The following BRWD1 variants were observed in gnomAD, a reference collection of about 807,000 sequenced individuals.
BRWD1 encodes the protein bromodomain and WD repeat-containing protein 1.
BRWD1 carries 82 observed loss-of-function variants against 251.2 expected under a neutral mutation model. The observed-to-expected ratio is 0.33, with a 90% CI of 0.27 to 0.39. The LOEUF is 0.39. Ranked by LOEUF, BRWD1 falls within the 10% of genes least tolerant of loss-of-function variation. The pLI is 1.00. For synonymous variants in BRWD1, 918 were observed against 902.8 expected (o/e 1.02, Z -0.30); for missense variants, 2,233 against 2,711.6 (o/e 0.82, Z 3.92).
chr21:39,313,913 G>A (rs2036623091), upstream of BRWD1: 3 of 316,320 alleles, frequency 9.5e-6, no homozygotes, highest in Non-Finnish European at 6.1e-6. Flanking sequence ...AGGCGGCAGC[G>A]CGACGCCGGG....
intron 38 of BRWD1, 36 bp from the exon 39 acceptor site, chr21:39,200,422 C>T: frequency 6.4e-7 from 1 of 1,571,618 alleles, no homozygotes; most frequent in Non-Finnish European, 8.7e-7. Flanking sequence ...TACATATATT[C>T]TCCTGTCTTT....
chr21:39,260,367 C>A (rs2034702156), intron 17 of BRWD1, among the ~76,000 whole-genome samples: 1 of 152,096 alleles, frequency 6.6e-6, no homozygotes, highest in East Asian at 1.9e-4. Flanking sequence ...AACTCCTGAG[C>A]TCAAGCAATC....
At chr21:39,256,128 C>T (rs1252769634) in intron 18 of BRWD1, among the ~76,000 whole-genome samples, 1 of 152,172 alleles carries the variant, frequency 6.6e-6, no homozygotes, top group African/African-American at 2.4e-5. Context: ...CTGACAGAAT[C>T]TTAACATGAC....
intron 29 of BRWD1, among the ~76,000 whole-genome samples, chr21:39,222,595 T>C (rs1222780241): frequency 6.6e-6 from 1 of 152,148 alleles, no homozygotes; most frequent in Non-Finnish European, 1.5e-5. Flanking sequence ...ATGACAACAA[T>C]TGAACACTGA....
chr21:39,203,266 A>G (rs1325921247), intron 37 of BRWD1, among the ~76,000 whole-genome samples: 1 of 152,134 alleles, frequency 6.6e-6, no homozygotes, highest in Non-Finnish European at 1.5e-5. Flanking sequence ...AGCCTGGGCA[A>G]CATAGCATGA....
intron 29 of BRWD1, among the ~76,000 whole-genome samples, chr21:39,222,544 G>C (rs1244290705): frequency 6.6e-6 from 1 of 152,152 alleles, no homozygotes; most frequent in Non-Finnish European, 1.5e-5. Context: ...ACATGAAGGG[G>C]TTCCCAGTGG....
chr21:39,279,827 T>A (rs1221380744), intron 9 of BRWD1, among the ~76,000 whole-genome samples: 5 of 152,154 alleles, frequency 3.3e-5, no homozygotes, highest in Non-Finnish European at 7.3e-5. Flanking sequence ...AGCACAGGTA[T>A]ACAATACAGG....
chr21:39,275,597 TTC>T (rs1350613182), intron 12 of BRWD1, among the ~76,000 whole-genome samples: 5 of 152,230 alleles, frequency 3.3e-5, no homozygotes, highest in Non-Finnish European at 7.3e-5. Flanking sequence ...ATTTCAGATG[TTC>T]TGACTACAGA....
At chr21:39,295,244 T>C (rs2035929685) in intron 7 of BRWD1, among the ~76,000 whole-genome samples, 1 of 116,398 alleles carries the variant, frequency 8.6e-6, no homozygotes, top group African/African-American at 3.3e-5. Flanking sequence ...TGGAGAGCAG[T>C]GGGGCGATTT....
Position 39,194,639 on chromosome 21 carries a change from T to C in BRWD1, c.*1620A>G. On this transcript the variant is annotated 3_prime_UTR_variant, in exon 41 of 41. Transcript: ENST00000342449. ...AAAATGTACCTTCTACTATGTCAAATGGAATAGATAACTACAAAATAGGAA... is the reference window on the plus strand; with the variant it reads ...AAAATGTACCTTCTACTATGTCAAACGGAATAGATAACTACAAAATAGGAA... 1 of 1,530,892 alleles carries C rather than the reference T, an allele frequency of 6.5e-7. No homozygotes were observed. Among genetic ancestry groups the C allele is most frequent in the Non-Finnish European group, 8.7e-7 (1 of 1,143,854 alleles). 94.8% of individuals were successfully genotyped at this position (1,530,892 alleles called of 1,614,324 possible).
chr21:39,209,453 AAAAG>A (rs1334064120), intron 36 of BRWD1, among the ~76,000 whole-genome samples: 1 of 151,968 alleles, frequency 6.6e-6, no homozygotes, highest in African/African-American at 2.4e-5. Context: ...AAAAAAAAGA[AAAAG>A]AAAAACCCTG....
In BRWD1 at chr21:39,188,521, A is replaced by G. The variant is rs1004777521; in HGVS notation, c.*7738T>C. 2.0e-6 allele frequency: 2 copies of G among 985,294 alleles called. No individual in the cohort carries two copies. Among genetic ancestry groups the G allele is most frequent in the Non-Finnish European group, 2.4e-6 (2 of 829,918 alleles). 61.0% of individuals were successfully genotyped at this position (985,294 alleles called of 1,614,324 possible). ...TGTAGCAATGAAACCACCAATGCCA[A>G]CCTTCTGAACTTTTTCTTCTGTGAA... On this transcript the variant is annotated 3_prime_UTR_variant, in exon 41 of 41. Transcript: ENST00000342449.
chr21:39,280,965 G>C (rs2035436414), intron 8 of BRWD1, among the ~76,000 whole-genome samples: 1 of 152,162 alleles, frequency 6.6e-6, no homozygotes, highest in Non-Finnish European at 1.5e-5. Context: ...AAAGGAAGAT[G>C]AACTAGCTAG....
rs1404692537 is a variant in BRWD1, at chr21:39,209,984, T to TA, written c.4197+10dup. ...AGGCAGTTTTTTTCAATAAACCACA[T>TA]AAAAAATTACCTTTGATCTTTTGTT... On this transcript the variant is annotated intron_variant, in intron 36 of 40. Coordinates refer to ENST00000342449, the MANE Select transcript of BRWD1 (RefSeq NM_033656.4). The TA allele has an allele frequency of 5.0e-6, 8 of 1,607,388 alleles. No individual in the cohort carries two copies. Among genetic ancestry groups the TA allele is most frequent in the Non-Finnish European group, 6.8e-6 (8 of 1,176,834 alleles).
chr21:39,247,972 A>G (rs1278665917), intron 20 of BRWD1, 140 bp from the exon 21 acceptor site: 7 of 1,034,990 alleles, frequency 6.8e-6, no homozygotes, highest in Non-Finnish European at 7.9e-6. Context: ...CATTTTTGCC[A>G]TACAGTTTTA....
At chr21:39,185,202 C>T (rs915127379), downstream of BRWD1, 1 of 145,662 alleles carries the variant, frequency 6.9e-6, no homozygotes, top group African/African-American at 2.5e-5. Flanking sequence ...TTATGCAAGA[C>T]TGATAATACA....
chr21:39,259,764 G>A (rs567573810), intron 17 of BRWD1, among the ~76,000 whole-genome samples: 42 of 152,272 alleles, frequency 2.8e-4, no homozygotes, highest in Admixed American at 2.0e-4. Flanking sequence ...CTGAACCCAG[G>A]AGGCGAAGGT....
intron 29 of BRWD1, 93 bp from the exon 30 acceptor site, chr21:39,218,753 C>A (rs2033055106): frequency 9.9e-7 from 1 of 1,008,208 alleles, no homozygotes. Context: ...GCTTATAAAA[C>A]TAGGTTATCT....
chr21:39,297,379 C>T (rs2142117), intron 5 of BRWD1: 916,518 of 985,288 alleles, frequency 0.93, 427,059 homozygotes, highest in African/African-American at 0.97. Flanking sequence ...ACAGAGAATA[C>T]GCCCCTACCC....
Sources: gnomAD v4.1 joint callset for allele counts (sites outside exome capture counted in the v4.1 genomes callset) on GRCh38, gnomAD v4.1.1 for gene constraint, MANE v1.5 for transcripts, NCBI Gene and HGNC (gene_info 2026-07-23, HGNC 2026-07-21) for gene names.